RIT2: variants seen among roughly 807,000 people sequenced by gnomAD.
RIT2 encodes the protein GTP-binding protein Rit2.
In RIT2, 24 loss-of-function variants were observed where a neutral mutation model predicts 23.7. The observed-to-expected ratio is 1.01, with a 90% CI of 0.73 to 1.43. The LOEUF (loss-of-function observed/expected upper bound fraction) is 1.43, where lower values mean the gene tolerates loss of function less well. Among genes scored for constraint, RIT2 ranks in the 40% most tolerant of loss-of-function variants. The pLI is 0.00. For synonymous variants in RIT2, 107 were observed against 91.1 expected, an observed-to-expected ratio of 1.17 and a Z score of -0.99; for missense variants, 236 against 266.9, an observed-to-expected ratio of 0.88 and a Z score of 0.81.
At chr18:42,804,955 A>G (rs1905641874) in intron 4 of RIT2, among the ~76,000 whole-genome samples, 1 of 152,212 alleles carries the variant, frequency 6.6e-6, no homozygotes, top group South Asian at 2.1e-4. Context: ...CTTGACAATT[A>G]TTGCAATTTT....
At chr18:42,830,259 G>A (rs999181027) in intron 4 of RIT2, among the ~76,000 whole-genome samples, 1 of 152,152 alleles carries the variant, frequency 6.6e-6, no homozygotes, top group Admixed American at 6.5e-5. Context: ...AGCCAAAGGT[G>A]CAGTTTCTGG....
intron 4 of RIT2, among the ~76,000 whole-genome samples, chr18:42,779,825 G>C (rs1474488466): frequency 1.2e-4 from 19 of 152,106 alleles, no homozygotes; most frequent in Admixed American, 1.2e-3. Context: ...ATTGTTCAAA[G>C]AGCAACTCTG....
intron 4 of RIT2, among the ~76,000 whole-genome samples, chr18:42,911,072 A>G (rs1908757225): frequency 6.6e-6 from 1 of 152,050 alleles, no homozygotes; most frequent in Non-Finnish European, 1.5e-5. Context: ...AAAAAAAATC[A>G]CACAGAGTAT....
chr18:42,849,964 A>G (rs903131820), intron 4 of RIT2, among the ~76,000 whole-genome samples: 1 of 152,104 alleles, frequency 6.6e-6, no homozygotes, highest in Non-Finnish European at 1.5e-5. Flanking sequence ...TTAAACAATA[A>G]TAGTCCACAA....
intron 4 of RIT2, among the ~76,000 whole-genome samples, chr18:42,881,702 A>C (rs1907899302): frequency 6.6e-6 from 1 of 152,200 alleles, no homozygotes; most frequent in African/African-American, 2.4e-5. Flanking sequence ...AAGCATTCTC[A>C]GCATGGTCAT....
chr18:43,085,328 A>C (rs1913257338), intron 1 of RIT2, among the ~76,000 whole-genome samples: 1 of 152,068 alleles, frequency 6.6e-6, no homozygotes. Context: ...TTACCTCACA[A>C]CCTTATTGGG....
chr18:43,059,260 T>C (rs575909254), intron 1 of RIT2, among the ~76,000 whole-genome samples: 1 of 152,304 alleles, frequency 6.6e-6, no homozygotes, highest in South Asian at 2.1e-4. Flanking sequence ...GACATGGGTA[T>C]AATTATTTAT....
At chr18:42,979,462 C>T (rs1198745883) in intron 2 of RIT2, among the ~76,000 whole-genome samples, 1 of 152,026 alleles carries the variant, frequency 6.6e-6, no homozygotes, top group Non-Finnish European at 1.5e-5. Context: ...AGCTATTATA[C>T]ACCTCCAAGA....
intron 4 of RIT2, among the ~76,000 whole-genome samples, chr18:42,856,827 CTTT>C (rs756725926): frequency 1.7e-5 from 2 of 114,654 alleles, no homozygotes; most frequent in Non-Finnish European, 1.7e-5. Context: ...CTCTCTCTCT[CTTT>C]TTTTTTTTTT....
At chr18:42,881,738 C>T (rs1178348709) in intron 4 of RIT2, among the ~76,000 whole-genome samples, 1 of 152,182 alleles carries the variant, frequency 6.6e-6, no homozygotes, top group Non-Finnish European at 1.5e-5. Context: ...CTCTTCTGTG[C>T]TTCCTAGTTA....
At chr18:43,019,308 TCAAA>T (rs2144263812) in intron 2 of RIT2, among the ~76,000 whole-genome samples, 1 of 151,902 alleles carries the variant, frequency 6.6e-6, no homozygotes, top group South Asian at 2.1e-4. Flanking sequence ...GCAAATTAAA[TCAAA>T]CAGAGCACCA....
chr18:42,929,653 G>T (rs1414312757), intron 3 of RIT2, among the ~76,000 whole-genome samples: 1 of 152,150 alleles, frequency 6.6e-6, no homozygotes, highest in Non-Finnish European at 1.5e-5. Context: ...AAGTGAAAAT[G>T]TGAGGCTACT....
intron 4 of RIT2, among the ~76,000 whole-genome samples, chr18:42,764,802 C>T (rs1170266754): frequency 6.6e-6 from 1 of 152,192 alleles, no homozygotes; most frequent in Non-Finnish European, 1.5e-5. Context: ...TAAGCATGTG[C>T]CATCTCTGAG....
chr18:42,798,708 T>C (rs930836401), intron 4 of RIT2, among the ~76,000 whole-genome samples: 6 of 152,240 alleles, frequency 3.9e-5, no homozygotes, highest in African/African-American at 9.6e-5. Context: ...CTCTCCACCA[T>C]TGGCACCTGG....
chr18:42,784,696 T>C (rs1036812762), intron 4 of RIT2, among the ~76,000 whole-genome samples: 1 of 152,138 alleles, frequency 6.6e-6, no homozygotes, highest in East Asian at 1.9e-4. Flanking sequence ...TAGCCTTCCA[T>C]ATTCAGTCAA....
At chr18:43,022,486 C>A (rs1056665652) in intron 2 of RIT2, among the ~76,000 whole-genome samples, 7 of 152,100 alleles carry the variant, frequency 4.6e-5, no homozygotes, top group African/African-American at 1.4e-4. Context: ...ATGGTCAATA[C>A]GCAGGATGAT....
chr18:43,011,712 A>C (rs12606731), intron 2 of RIT2, among the ~76,000 whole-genome samples: 11,917 of 151,764 alleles, frequency 0.079, 731 homozygotes, highest in East Asian at 0.25. Context: ...TGTCATAAAC[A>C]TCCCTCTACA....
chr18:42,837,487 G>A (rs1204694108), intron 4 of RIT2, among the ~76,000 whole-genome samples: 1 of 151,306 alleles, frequency 6.6e-6, no homozygotes, highest in Non-Finnish European at 1.5e-5. Context: ...AAAAAAAAAT[G>A]TACTTTCACA....
At chr18:42,814,011 C>T (rs1025061288) in intron 4 of RIT2, among the ~76,000 whole-genome samples, 5 of 151,986 alleles carry the variant, frequency 3.3e-5, no homozygotes, top group African/African-American at 1.2e-4. Flanking sequence ...GGAGCTGAGT[C>T]AATTGAGAGA....
Sources: allele counts gnomAD v4.1 joint callset (sites outside exome capture counted in the v4.1 genomes callset), GRCh38; gene constraint gnomAD v4.1.1; transcripts MANE v1.5; gene names NCBI Gene and HGNC (gene_info 2026-07-23, HGNC 2026-07-21).